The following KIAA0319 variants were observed in gnomAD, a reference collection of about 807,000 sequenced individuals.
KIAA0319 encodes dyslexia-associated protein KIAA0319.
In KIAA0319, 83 loss-of-function variants were observed where a neutral mutation model predicts 108.4. The observed-to-expected ratio is 0.77, with a 90% CI of 0.64 to 0.92. The LOEUF (loss-of-function observed/expected upper bound fraction) is 0.92. Ranked by LOEUF, KIAA0319 falls within the 40% of genes least tolerant of loss-of-function variation. The probability of loss-of-function intolerance (pLI) is 0.00; values close to 1 mark genes in which losing one functional copy is unlikely to be tolerated. For missense variants in KIAA0319, 1,195 were observed against 1,322.4 expected, an observed-to-expected ratio of 0.90 and a Z score of 1.49; for synonymous variants, 484 against 510.4, an observed-to-expected ratio of 0.95 and a Z score of 0.70.
intron 2 of KIAA0319, among the ~76,000 whole-genome samples, chr6:24,597,525 G>C (rs919002507): frequency 6.6e-6 from 1 of 152,184 alleles, no homozygotes; most frequent in African/African-American, 2.4e-5. Flanking sequence ...AAAGAAGTTT[G>C]AGAAGGTGGG....
At chr6:24,578,041 T>C (rs2127475789) in intron 9 of KIAA0319, 69 bp downstream of exon 9, 2 of 1,480,654 alleles carry the variant, frequency 1.4e-6, no homozygotes, top group Non-Finnish European at 1.8e-6. Context: ...GTGTTTTATG[T>C]GCGTTAATTT....
At chr6:24,614,308 GC>G (rs1196982179) in intron 1 of KIAA0319, among the ~76,000 whole-genome samples, 1 of 151,884 alleles carries the variant, frequency 6.6e-6, no homozygotes, top group Non-Finnish European at 1.5e-5. Flanking sequence ...CCTCCCAGTC[GC>G]CCAGTGCTCT....
Position 24,578,095 on chromosome 6 carries a change from C to G in KIAA0319, c.1505+15G>C, listed in dbSNP as rs1216656775. 7 of 1,604,282 alleles carry G rather than the reference C, an allele frequency of 4.4e-6. No homozygotes were observed. The African/African-American group carries it at 9.4e-5, about 22-fold the overall frequency. ...TAAGTAGCAGGCAGCACAATAAAGG[C>G]AGGGACCCACTTGCCTGAAACTATA... On this transcript the variant is annotated intron_variant, in intron 9 of 20. Coordinates refer to ENST00000378214, the MANE Select transcript of KIAA0319 (RefSeq NM_014809.4).
chr6:24,615,294 G>A (rs1773001791), intron 1 of KIAA0319, among the ~76,000 whole-genome samples: 1 of 152,144 alleles, frequency 6.6e-6, no homozygotes, highest in Admixed American at 6.5e-5. Context: ...GAAATTCTAT[G>A]CAGCTCTATA....
Position 24,566,701 on chromosome 6 carries a change from C to G in KIAA0319, c.2188G>C (p.Val730Leu). ...AAAGTAATGGAATTATTGGGAAGCA[C>G]AAGAACATGTCTGCCACCAGCCCGG... is the stretch of plus-strand genomic sequence containing the variant. ...RARAGGRHVL[V>L]LPNNSITLDG... The change falls in exon 14 of 21, where the codon GTG becomes CTG. Residue 730 changes from valine (V) to leucine (L), a missense_variant. Coordinates refer to ENST00000378214, the MANE Select transcript of KIAA0319 (RefSeq NM_014809.4). 1 of 1,613,382 alleles carries G rather than the reference C, an allele frequency of 6.2e-7. No individual in the cohort carries two copies. Among genetic ancestry groups the G allele is most frequent in the Non-Finnish European group, 8.5e-7 (1 of 1,179,668 alleles).
chr6:24,637,151 G>A (rs547643312), intron 1 of KIAA0319, among the ~76,000 whole-genome samples: 23 of 152,218 alleles, frequency 1.5e-4, no homozygotes, highest in Non-Finnish European at 2.8e-4. Context: ...AGGTGGCAGT[G>A]GTCCAGTCAA....
chr6:24,541,754 T>C (rs1760201054), downstream of KIAA0319, among the ~76,000 whole-genome samples: 1 of 152,162 alleles, frequency 6.6e-6, no homozygotes, highest in South Asian at 2.1e-4. Context: ...GCCAAGATCA[T>C]GCCACTGCAC....
chr6:24,605,977 C>T (rs1582190599), intron 1 of KIAA0319, among the ~76,000 whole-genome samples: 1 of 152,118 alleles, frequency 6.6e-6, no homozygotes, highest in African/African-American at 2.4e-5. Context: ...ACTCTATCAC[C>T]AGGCTGAAGT....
chr6:24,572,892 G>T (rs1057295161), intron 10 of KIAA0319, among the ~76,000 whole-genome samples, 194 bp from the exon 11 acceptor site: 1 of 152,166 alleles, frequency 6.6e-6, no homozygotes, highest in African/African-American at 2.4e-5. Context: ...AAGGCAGGTG[G>T]ATCACTTGAG....
At chr6:24,617,445 A>G (rs912045856) in intron 1 of KIAA0319, among the ~76,000 whole-genome samples, 3 of 152,220 alleles carry the variant, frequency 2.0e-5, no homozygotes, top group Admixed American at 6.5e-5. Flanking sequence ...TATAATAAAT[A>G]TGCTTTTAAA....
chr6:24,641,021 T>G (rs149222699), intron 1 of KIAA0319, among the ~76,000 whole-genome samples: 11 of 152,200 alleles, frequency 7.2e-5, no homozygotes, highest in East Asian at 3.8e-4. Flanking sequence ...CACAACTTTT[T>G]CATCATCTCA....
Position 24,605,958 on chromosome 6 carries a change from CAG to C in KIAA0319, c.-105-4752_-105-4751del, listed in dbSNP as rs370622540. Reference sequence around the variant, plus strand: ...TGGATGTTTCTTTTTTTTTTTGAGACAGAGTCTCACTCTATCACCAGGCTGAA... The same window carrying C: ...TGGATGTTTCTTTTTTTTTTTGAGACAGTCTCACTCTATCACCAGGCTGAA... On this transcript the variant is annotated intron_variant, in intron 1 of 20. Transcript: ENST00000378214. Among the ~76,000 whole-genome samples the C allele has an allele frequency of 3.0e-3, 448 of 150,726 alleles. 1 individual carries two copies. The highest frequency in any genetic ancestry group is 0.01 in the African/African-American group (419 of 41,086).
intron 20 of KIAA0319, 98 bp downstream of exon 20, chr6:24,551,336 T>G: frequency 1.2e-6 from 1 of 813,858 alleles, no homozygotes; most frequent in Non-Finnish European, 2.1e-6. Flanking sequence ...AAGTGCTGAC[T>G]CCAGCAAATC....
intron 3 of KIAA0319, among the ~76,000 whole-genome samples, chr6:24,590,450 G>T (rs1582102994): frequency 6.6e-6 from 1 of 152,330 alleles, no homozygotes; most frequent in African/African-American, 2.4e-5. Context: ...ATCTGGGTTT[G>T]TGAAGTGAGT....
Position 24,572,567 on chromosome 6 carries a change from C to A in KIAA0319, c.1858+8G>T. The A allele has an allele frequency of 6.2e-7, 1 of 1,609,032 alleles. No individual in the cohort carries two copies. The highest frequency in any genetic ancestry group is 1.1e-5 in the South Asian group (1 of 89,602). ...CTCTGAGGCCAAATCTCTTTCTCCTCCACCTACCAGGCTGGACAATCACAG... is the reference window on the plus strand; with the variant it reads ...CTCTGAGGCCAAATCTCTTTCTCCTACACCTACCAGGCTGGACAATCACAG... On this transcript the variant is annotated splice_region_variant and intron_variant, in intron 11 of 20. Coordinates refer to ENST00000378214, the MANE Select transcript of KIAA0319 (RefSeq NM_014809.4).
chr6:24,633,683 A>G (rs1481886793), intron 1 of KIAA0319, among the ~76,000 whole-genome samples: 1 of 152,210 alleles, frequency 6.6e-6, no homozygotes, highest in Non-Finnish European at 1.5e-5. Context: ...AACATAAACC[A>G]GCAAAAATAT....
At chr6:24,589,501 C>G (rs559870859) in intron 3 of KIAA0319, among the ~76,000 whole-genome samples, 3 of 152,106 alleles carry the variant, frequency 2.0e-5, no homozygotes, top group African/African-American at 7.2e-5. Flanking sequence ...ATGGAGGTAA[C>G]TGGATCATGG....
At position 24,596,595 on chromosome 6, in the gene KIAA0319, C is replaced by T. The variant is rs758113949; in HGVS notation, c.79G>A (p.Glu27Lys). ...IAGCARKQCS[E>K]GRTYSNAVIS... ...ACTGCATTGGAATATGTCCTCCCCT[C>T]GCTGCACTGCTTACGGGCACAACCT... The change falls in exon 3 of 21, where the codon GAG becomes AAG. Residue 27 changes from glutamate (E) to lysine (K), a missense_variant. Glu to Lys is a moderately conservative substitution (Grantham distance 56, BLOSUM62 1). Coordinates refer to ENST00000378214, the MANE Select transcript of KIAA0319 (RefSeq NM_014809.4). 34 of 1,610,114 alleles carry T rather than the reference C, an allele frequency of 2.1e-5. No homozygotes were observed. Among genetic ancestry groups the T allele is most frequent in the East Asian group, 4.5e-5 (2 of 44,760 alleles).
At chr6:24,590,710 A>T (rs1229725011) in intron 3 of KIAA0319, among the ~76,000 whole-genome samples, 1 of 152,214 alleles carries the variant, frequency 6.6e-6, no homozygotes, top group African/African-American at 2.4e-5. Flanking sequence ...CTAAGCCAGA[A>T]ATGGCTGAAG....
Sources: gnomAD v4.1 joint callset for allele counts (sites outside exome capture counted in the v4.1 genomes callset) on GRCh38, gnomAD v4.1.1 for gene constraint, MANE v1.5 for transcripts, NCBI Gene and HGNC (gene_info 2026-07-23, HGNC 2026-07-21) for gene names.